Variants in PDE3B observed in about 807,000 individuals in gnomAD.
PDE3B encodes phosphodiesterase 3B, also known as cGMP-inhibited 3',5'-cyclic phosphodiesterase 3B.
Under a neutral mutation model 116.8 loss-of-function variants are expected in PDE3B, and 66 were observed. The ratio of observed to expected loss-of-function variants is 0.56; its 90% CI spans 0.46 to 0.69. PDE3B has a LOEUF of 0.69. Among genes scored for constraint, PDE3B ranks in the 30% least tolerant of loss-of-function variants. The probability of loss-of-function intolerance (pLI) is 0.00; values close to 1 mark genes in which losing one functional copy is unlikely to be tolerated. For missense variants in PDE3B, 1,384 were observed against 1,368.1 expected (o/e 1.01, Z -0.18); for synonymous variants, 595 against 533.6 (o/e 1.12, Z -1.59).
chr11:14,850,907 C>T (rs1191195177), intron 12 of PDE3B, among the ~76,000 whole-genome samples: 1 of 151,870 alleles, frequency 6.6e-6, no homozygotes, highest in South Asian at 2.1e-4. Flanking sequence ...CGGCTTACTG[C>T]AAGCTCCGCC....
At chr11:14,708,787 G>T (rs7114131) in intron 1 of PDE3B, among the ~76,000 whole-genome samples, 34,077 of 151,364 alleles carry the variant, frequency 0.23, 4,315 homozygotes, top group African/African-American at 0.33. Context: ...TATATATATA[G>T]AGAGAGAGAA....
intron 1 of PDE3B, among the ~76,000 whole-genome samples, chr11:14,737,993 C>A (rs1375690166): frequency 6.6e-6 from 1 of 152,012 alleles, no homozygotes; most frequent in Non-Finnish European, 1.5e-5. Flanking sequence ...GTATATGTGC[C>A]ACATTTTCTT....
At chr11:14,766,827 T>G (rs985083617) in intron 1 of PDE3B, among the ~76,000 whole-genome samples, 12 of 151,822 alleles carry the variant, frequency 7.9e-5, no homozygotes, top group African/African-American at 2.6e-4. Flanking sequence ...AAACAAATAT[T>G]AAGTAGGAAA....
chr11:14,679,984 G>C (rs571350209), intron 1 of PDE3B, among the ~76,000 whole-genome samples: 13 of 152,220 alleles, frequency 8.5e-5, no homozygotes, highest in Admixed American at 6.5e-4. Context: ...AAATTTTAAG[G>C]ATTCTGAAAG....
intron 1 of PDE3B, among the ~76,000 whole-genome samples, chr11:14,669,572 G>A (rs1010476829): frequency 6.6e-6 from 1 of 151,686 alleles, no homozygotes; most frequent in Admixed American, 6.6e-5. Flanking sequence ...GCATTAACTC[G>A]TCATTTACAT....
chr11:14,780,588 G>C (rs186746794), intron 2 of PDE3B, among the ~76,000 whole-genome samples: 1 of 152,118 alleles, frequency 6.6e-6, no homozygotes. Context: ...CAAAATGAAG[G>C]CAGAAATAAA....
At chr11:14,851,342 T>G (rs1270116617) in intron 12 of PDE3B, among the ~76,000 whole-genome samples, 1 of 152,198 alleles carries the variant, frequency 6.6e-6, no homozygotes, top group Non-Finnish European at 1.5e-5. Flanking sequence ...CCTTTCATTT[T>G]CTGTAGCCAT....
chr11:14,779,016 C>G (rs375326629), intron 2 of PDE3B, among the ~76,000 whole-genome samples: 5 of 152,110 alleles, frequency 3.3e-5, no homozygotes, highest in African/African-American at 1.2e-4. Context: ...ATGAGAACTG[C>G]GTGACACATG....
chr11:14,807,542 A>G (rs1858979645), intron 5 of PDE3B, among the ~76,000 whole-genome samples: 1 of 152,204 alleles, frequency 6.6e-6, no homozygotes, highest in Non-Finnish European at 1.5e-5. Context: ...CATGATTAAA[A>G]AAAGCTTGAA....
chr11:14,762,906 A>AG (rs1857400769), intron 1 of PDE3B, among the ~76,000 whole-genome samples: 2 of 152,180 alleles, frequency 1.3e-5, no homozygotes, highest in South Asian at 4.1e-4. Context: ...ATGGGGAGGA[A>AG]GGTCAGTTCA....
At chr11:14,891,115 T>G in the PDE3B span, 3 of 985,444 alleles carry the variant, frequency 3.0e-6, no homozygotes, top group Non-Finnish European at 3.6e-6. Context: ...CCAGGACCCG[T>G]GGAAACTCCT....
Position 14,869,387 on chromosome 11 carries a change from A to G in PDE3B, c.3140-74A>G, listed in dbSNP as rs191778718. ...TACTCCCAGTGCTTAGATACCTAGA[A>G]TAGGCACTTAATATTTGTTGAATGA... On this transcript the variant is annotated intron_variant, in intron 15 of 15. Transcript: ENST00000282096. 2.9e-5 allele frequency: 35 copies of G among 1,224,790 alleles called. No individual in the cohort carries two copies. In the African/African-American group the frequency reaches 4.9e-4, roughly 17 times the overall value. The allele number at this position is 1,224,790 out of a possible 1,614,324, so 75.9% of individuals were successfully genotyped here. A position where few individuals can be genotyped will look rare whatever the true frequency, so the allele number is the denominator to read the frequency against.
chr11:14,889,953 C>A, the PDE3B span, among the ~76,000 whole-genome samples: 13 of 151,918 alleles, frequency 8.6e-5, no homozygotes, highest in African/African-American at 2.9e-4. Flanking sequence ...CGAGTGAATG[C>A]CCATCTCTAC....
intron 15 of PDE3B, among the ~76,000 whole-genome samples, chr11:14,869,187 CTATT>C (rs1459670643): frequency 6.6e-6 from 1 of 152,066 alleles, no homozygotes; most frequent in Non-Finnish European, 1.5e-5. Context: ...AACCTCTTCT[CTATT>C]TTGTTTTTAT....
intron 4 of PDE3B, among the ~76,000 whole-genome samples, chr11:14,803,359 A>G (rs1162385252): frequency 6.6e-6 from 1 of 152,226 alleles, no homozygotes; most frequent in Non-Finnish European, 1.5e-5. Flanking sequence ...TACACTAATA[A>G]AAGTTGTCAA....
intron 1 of PDE3B, among the ~76,000 whole-genome samples, chr11:14,707,625 C>T (rs1855571853): frequency 6.6e-6 from 1 of 152,072 alleles, no homozygotes; most frequent in East Asian, 1.9e-4. Flanking sequence ...TGATTATTGA[C>T]TTCTCTTTAG....
chr11:14,687,213 A>G (rs1291187674), intron 1 of PDE3B, among the ~76,000 whole-genome samples: 1 of 152,202 alleles, frequency 6.6e-6, no homozygotes, highest in Non-Finnish European at 1.5e-5. Context: ...TCTTGCTAGA[A>G]TGAAGTTCTG....
At chr11:14,864,519 G>A (rs1012346729) in intron 14 of PDE3B, among the ~76,000 whole-genome samples, 6 of 152,006 alleles carry the variant, frequency 3.9e-5, no homozygotes, top group African/African-American at 4.8e-5. Context: ...GCACCACATC[G>A]CACTTGTTCT....
rs1373404805 is a variant in PDE3B at position 14,745,397 on chromosome 11, T to G, written c.979-26540T>G. ...GATCTAACTATATTGATTAAGTTAT[T>G]ATACATACACACACACAGCAGATCT... On this transcript the variant is annotated intron_variant, in intron 1 of 15. Coordinates refer to ENST00000282096, the MANE Select transcript of PDE3B (RefSeq NM_000922.4). 1.3e-5 allele frequency among the ~76,000 whole-genome samples: 2 copies of G among 152,178 alleles called. 1 individual carries two copies. The highest frequency in any genetic ancestry group is 1.3e-4 in the Admixed American group (2 of 15,280).
Sources: allele counts gnomAD v4.1 joint callset (sites outside exome capture counted in the v4.1 genomes callset), GRCh38; gene constraint gnomAD v4.1.1; transcripts MANE v1.5; gene names NCBI Gene and HGNC (gene_info 2026-07-23, HGNC 2026-07-21).